NFAT5: variants seen among roughly 807,000 people sequenced by gnomAD.
The protein encoded by NFAT5 is nuclear factor of activated T-cells 5.
In NFAT5, 31 loss-of-function variants were observed where a neutral mutation model predicts 166.5. The ratio of observed to expected loss-of-function variants is 0.19; its 90% CI spans 0.14 to 0.25. NFAT5 has a LOEUF of 0.25. Among genes scored for constraint, NFAT5 ranks in the 10% least tolerant of loss-of-function variants. NFAT5 has a pLI of 1.00. For synonymous variants in NFAT5, 612 were observed against 639.7 expected (o/e 0.96, Z 0.65); for missense variants, 1,449 against 1,821.8 (o/e 0.80, Z 3.72).
At chr16:69,589,511 G>C (rs2032327105) in intron 2 of NFAT5, among the ~76,000 whole-genome samples, 1 of 152,164 alleles carries the variant, frequency 6.6e-6, no homozygotes, top group South Asian at 2.1e-4. Context: ...AAACTCAAAG[G>C]ATAAAATTTG....
chr16:69,571,032 C>T (rs139991517), intron 2 of NFAT5, among the ~76,000 whole-genome samples: 154 of 145,702 alleles, frequency 1.1e-3, no homozygotes, highest in Non-Finnish European at 2.0e-3. Context: ...TACTGTGTGC[C>T]AAGAACTTTA....
In NFAT5 at chr16:69,653,249, CA is replaced by C; in HGVS notation, c.831del (p.Gly278GlufsTer4). On this transcript the variant is annotated frameshift_variant, in exon 5 of 15. Coordinates refer to ENST00000349945, the MANE Select transcript of NFAT5 (RefSeq NM_138713.4). LOFTEE classifies it high-confidence loss of function. ...SKAGNGTLEN[Q>X]KGTGVKKSPM... ...TTGATTTCTCAGAACATTGGAAAACCAAAAAGGAACTGGAGTAAAGAAGAGC... is the reference window on the plus strand; with the variant it reads ...TTGATTTCTCAGAACATTGGAAAACCAAAAGGAACTGGAGTAAAGAAGAGC... The C allele has an allele frequency of 1.9e-6, 3 of 1,570,892 alleles. No individual in the cohort carries two copies. Among genetic ancestry groups the C allele is most frequent in the East Asian group, 2.4e-5 (1 of 42,068 alleles).
At chr16:69,584,548 T>C (rs550242130) in intron 2 of NFAT5, among the ~76,000 whole-genome samples, 41 of 152,216 alleles carry the variant, frequency 2.7e-4, no homozygotes, top group Non-Finnish European at 4.3e-4. Context: ...CAGGCTGGTC[T>C]CGAATTCCTG....
intron 11 of NFAT5, among the ~76,000 whole-genome samples, chr16:69,686,314 C>G (rs2037301003): frequency 6.6e-6 from 1 of 151,978 alleles, no homozygotes; most frequent in Non-Finnish European, 1.5e-5. Flanking sequence ...GATTGTGCCA[C>G]TGCTCTCCAG....
At chr16:69,639,865 A>G (rs2035127642) in intron 3 of NFAT5, among the ~76,000 whole-genome samples, 1 of 152,218 alleles carries the variant, frequency 6.6e-6, no homozygotes, top group Non-Finnish European at 1.5e-5. Flanking sequence ...AACAGAACAA[A>G]TTGGTGAATA....
intron 2 of NFAT5, among the ~76,000 whole-genome samples, chr16:69,608,608 G>A (rs2033542583): frequency 6.7e-6 from 1 of 149,272 alleles, no homozygotes; most frequent in Admixed American, 6.7e-5. Flanking sequence ...TAAGTATATT[G>A]AAAATTATCT....
At chr16:69,664,147 G>T (rs1259706775) in intron 7 of NFAT5, among the ~76,000 whole-genome samples, 1 of 152,140 alleles carries the variant, frequency 6.6e-6, no homozygotes, top group African/African-American at 2.4e-5. Flanking sequence ...ATAGTCAGAT[G>T]TAGGCTTTAT....
chr16:69,579,861 T>C (rs981707155), intron 2 of NFAT5, among the ~76,000 whole-genome samples: 1 of 152,228 alleles, frequency 6.6e-6, no homozygotes, highest in Non-Finnish European at 1.5e-5. Context: ...TTTCTGTGAC[T>C]GTTTGTTCTT....
At chr16:69,662,518 A>C (rs1175431232) in intron 7 of NFAT5, among the ~76,000 whole-genome samples, 1 of 133,600 alleles carries the variant, frequency 7.5e-6, no homozygotes, top group African/African-American at 2.9e-5. Context: ...GTGCAGTGGC[A>C]TCATGATCTC....
At chr16:69,691,624 GATA>G (rs1457706944) in intron 12 of NFAT5, 122 bp from the exon 13 acceptor site, 2 of 684,598 alleles carry the variant, frequency 2.9e-6, no homozygotes, top group African/African-American at 1.8e-5. Flanking sequence ...TTTTCTAAAT[GATA>G]ATAATATAGA....
In NFAT5 at chr16:69,692,809, C is replaced by G; in HGVS notation, c.2984C>G (p.Pro995Arg). ...STTTTQQVAT[P>R]GTTMFQTSSS... ...ACTACCACACAGCAGGTTGCAACCC[C>G]TGGCACTACCATGTTTCAGACATCA... The change falls in exon 13 of 15, where the codon CCT (proline) becomes CGT (arginine). Residue 995 changes from proline (P) to arginine (R), a missense_variant. By Grantham distance (103) the Pro-to-Arg change is moderately radical. This residue lies in a region of NFAT5 where 891 missense variants were observed against 993.0 expected (regional missense o/e 0.90). Transcript: ENST00000349945. 1 of 1,614,226 alleles carries G rather than the reference C, an allele frequency of 6.2e-7. No individual in the cohort carries two copies. The highest frequency in any genetic ancestry group is 8.5e-7 in the Non-Finnish European group (1 of 1,180,040).
intron 7 of NFAT5, among the ~76,000 whole-genome samples, chr16:69,660,510 T>G (rs192008483): frequency 8.6e-4 from 131 of 152,332 alleles, no homozygotes; most frequent in Non-Finnish European, 1.0e-3. Context: ...CACTGTGTGG[T>G]AAATTACTGT....
chr16:69,676,965 G>C, intron 9 of NFAT5: 1 of 411,520 alleles, frequency 2.4e-6, no homozygotes. Context: ...GCAGGAATGA[G>C]ATGAAGTTGA....
intron 2 of NFAT5, among the ~76,000 whole-genome samples, chr16:69,601,604 G>A (rs2033138282): frequency 1.3e-5 from 2 of 152,272 alleles, no homozygotes; most frequent in East Asian, 1.9e-4. Context: ...AAACTCCTGA[G>A]TTCAAGTGAT....
chr16:69,655,613 A>G lies in NFAT5; in HGVS notation c.1010A>G (p.Glu337Gly). The G allele has an allele frequency of 6.4e-7, 1 of 1,574,370 alleles. No homozygotes were observed. The highest frequency in any genetic ancestry group is 8.6e-7 in the Non-Finnish European group (1 of 1,159,036). ...TTGCATGTTTTCTGGTTTCAGCTGGAAGGCCATAATGAACCTGTAGTGTTG... is the reference window on the plus strand; with the variant it reads ...TTGCATGTTTTCTGGTTTCAGCTGGGAGGCCATAATGAACCTGTAGTGTTG... ...TQQGFPTVKL[E>G]GHNEPVVLQV... Residue 337 changes from glutamate to glycine, a missense_variant, in exon 6 of 15, where the codon GAA (glutamate) becomes GGA (glycine). Coordinates refer to ENST00000349945, the MANE Select transcript of NFAT5 (RefSeq NM_138713.4).
chr16:69,568,636 T>A (rs2016256952), intron 2 of NFAT5, 88 bp downstream of exon 2: 2 of 1,060,878 alleles, frequency 1.9e-6, no homozygotes. Flanking sequence ...TATGAAACTT[T>A]GCAAACTCAC....
intron 3 of NFAT5, among the ~76,000 whole-genome samples, chr16:69,634,143 C>T (rs1390748962): frequency 3.3e-5 from 5 of 151,190 alleles, no homozygotes; most frequent in African/African-American, 9.7e-5. Flanking sequence ...CTGGGTGTGG[C>T]GGCGGGTGCC....
At chr16:69,609,806 C>T (rs1472433360) in intron 2 of NFAT5, among the ~76,000 whole-genome samples, 1 of 140,068 alleles carries the variant, frequency 7.1e-6, no homozygotes, top group African/African-American at 2.7e-5. Flanking sequence ...CATGGTGAGA[C>T]CCTGTCTCTA....
chr16:69,644,756 A>T (rs985566397), intron 3 of NFAT5: 10 of 422,986 alleles, frequency 2.4e-5, no homozygotes, highest in Non-Finnish European at 4.7e-5. Context: ...TTTTGGGTTC[A>T]TGATTGCTTT....
Sources: allele counts gnomAD v4.1 joint callset (sites outside exome capture counted in the v4.1 genomes callset), GRCh38; gene constraint gnomAD v4.1.1; regional missense constraint gnomAD v4.1.1; transcripts MANE v1.5; gene names NCBI Gene and HGNC (gene_info 2026-07-23, HGNC 2026-07-21).